Variants in SGK3 observed in about 807,000 individuals in gnomAD.
SGK3 encodes the protein serum/glucocorticoid regulated kinase family member 3, also known as serine/threonine-protein kinase Sgk3.
Under a neutral mutation model 68.5 loss-of-function variants are expected in SGK3, and 47 were observed. The observed-to-expected ratio is 0.69, with a 90% CI of 0.54 to 0.87. The LOEUF (loss-of-function observed/expected upper bound fraction) is 0.87. Among genes scored for constraint, SGK3 ranks in the 40% least tolerant of loss-of-function variants. SGK3 has a pLI of 0.00. For synonymous variants in SGK3, 181 were observed against 189.1 expected, an observed-to-expected ratio of 0.96 and a Z score of 0.35; for missense variants, 479 against 575.5, an observed-to-expected ratio of 0.83 and a Z score of 1.72.
intron 1 of SGK3, among the ~76,000 whole-genome samples, chr8:66,779,602 A>AT (rs372948202): frequency 3.8e-4 from 44 of 116,210 alleles, no homozygotes; most frequent in East Asian, 2.8e-3. Flanking sequence ...ATATATATAT[A>AT]AAACACATTT....
intron 1 of SGK3, among the ~76,000 whole-genome samples, chr8:66,782,231 T>C (rs755398740): frequency 1.3e-5 from 2 of 152,238 alleles, no homozygotes; most frequent in Non-Finnish European, 2.9e-5. Flanking sequence ...ATAGGGTCTA[T>C]TCTCTTCTCA....
Position 66,822,474 on chromosome 8 carries a change from T to A in SGK3, c.417+15T>A. On this transcript the variant is annotated intron_variant, in intron 6 of 16. Transcript: ENST00000521198. ...GTTCTCAGAAGGTAGTAAGAGGAATTGCCTTTCTTAATAGAAAAAATACTA... is the reference window on the plus strand; with the variant it reads ...GTTCTCAGAAGGTAGTAAGAGGAATAGCCTTTCTTAATAGAAAAAATACTA... 1 of 1,605,236 alleles carries A rather than the reference T, an allele frequency of 6.2e-7. No homozygotes were observed. The highest frequency in any genetic ancestry group is 8.5e-7 in the Non-Finnish European group (1 of 1,176,604).
intron 1 of SGK3, among the ~76,000 whole-genome samples, chr8:66,764,406 C>T (rs989351511): frequency 6.6e-6 from 1 of 152,120 alleles, no homozygotes; most frequent in African/African-American, 2.4e-5. Context: ...ATATTTCCCT[C>T]CACATCTCTA....
At chr8:66,754,173 C>G (rs3857962) in intron 1 of SGK3, among the ~76,000 whole-genome samples, 19,018 of 152,034 alleles carry the variant, frequency 0.13, 2,178 homozygotes, top group African/African-American at 0.3. Flanking sequence ...ATTAACACTC[C>G]CATCAAAGGC....
intron 1 of SGK3, among the ~76,000 whole-genome samples, chr8:66,757,058 A>T (rs1393009368): frequency 6.6e-6 from 1 of 151,730 alleles, no homozygotes; most frequent in Non-Finnish European, 1.5e-5. Flanking sequence ...TCTGCCCCTG[A>T]AGATTCAATG....
At chr8:66,787,327 A>G (rs1238396593) in intron 1 of SGK3, among the ~76,000 whole-genome samples, 1 of 152,144 alleles carries the variant, frequency 6.6e-6, no homozygotes, top group South Asian at 2.1e-4. Flanking sequence ...ATTCAAAACA[A>G]ATTGTTATAC....
chr8:66,806,847 A>T (rs889637971), intron 4 of SGK3, among the ~76,000 whole-genome samples: 29 of 152,002 alleles, frequency 1.9e-4, no homozygotes, highest in Admixed American at 1.8e-3. Context: ...CACAAAAGAA[A>T]TCTTATGGAA....
At chr8:66,723,107 ATATATATATATATATATATATATAT>A (rs1334019935) in intron 1 of SGK3, among the ~76,000 whole-genome samples, 6 of 39,158 alleles carry the variant, frequency 1.5e-4, no homozygotes, top group Admixed American at 8.5e-4. Context: ...ATATATATAT[ATATATATATATATATATATATATAT>A]TTTTTTTTTT....
intron 3 of SGK3, among the ~76,000 whole-genome samples, chr8:66,799,206 G>A (rs932399938): frequency 1.3e-5 from 2 of 152,108 alleles, no homozygotes; most frequent in Non-Finnish European, 2.9e-5. Context: ...ATCTACTGAT[G>A]GCAGTACATA....
chr8:66,842,756 A>G (rs1400307785), intron 13 of SGK3, among the ~76,000 whole-genome samples: 1 of 152,184 alleles, frequency 6.6e-6, no homozygotes, highest in African/African-American at 2.4e-5. Flanking sequence ...AAAAGAAAAA[A>G]AAGGATTATA....
intron 1 of SGK3, among the ~76,000 whole-genome samples, chr8:66,736,271 A>G (rs977792059): frequency 2.0e-5 from 3 of 152,180 alleles, no homozygotes; most frequent in Non-Finnish European, 4.4e-5. Flanking sequence ...TTAAAAATTA[A>G]TATAACAATA....
chr8:66,842,813 A>T (rs1369553584), intron 13 of SGK3, among the ~76,000 whole-genome samples: 1 of 152,222 alleles, frequency 6.6e-6, no homozygotes, highest in Non-Finnish European at 1.5e-5. Context: ...TCATGCCAGT[A>T]ATCCCAGCAC....
intron 1 of SGK3, among the ~76,000 whole-genome samples, chr8:66,765,502 T>A (rs746038637): frequency 9.9e-5 from 15 of 152,220 alleles, no homozygotes; most frequent in African/African-American, 3.6e-4. Context: ...CTCAGTATTG[T>A]TCAATTTGCT....
intron 6 of SGK3, among the ~76,000 whole-genome samples, chr8:66,823,855 A>C (rs1808948068): frequency 6.6e-6 from 1 of 152,212 alleles, no homozygotes; most frequent in Non-Finnish European, 1.5e-5. Flanking sequence ...AATTATTATA[A>C]ATGTTATATA....
In SGK3 at chr8:66,813,945, G is replaced by A. The variant is rs768976182; in HGVS notation, c.329+17G>A. On this transcript the variant is annotated intron_variant, in intron 5 of 16. Transcript: ENST00000521198. ...TTATAACCAGTAAGTAATTTTTGTTGCGTTCTAAAGGGACATTAAAACTAA... is the reference window on the plus strand; with the variant it reads ...TTATAACCAGTAAGTAATTTTTGTTACGTTCTAAAGGGACATTAAAACTAA... 4 of 1,563,054 alleles carry A rather than the reference G, an allele frequency of 2.6e-6. 1 individual carries two copies. Among genetic ancestry groups the A allele is most frequent in the South Asian group, 2.5e-5 (2 of 81,012 alleles).
At chr8:66,812,736 A>G (rs1808430180) in intron 4 of SGK3, among the ~76,000 whole-genome samples, 1 of 151,710 alleles carries the variant, frequency 6.6e-6, no homozygotes, top group Non-Finnish European at 1.5e-5. Flanking sequence ...ATCCTATAAC[A>G]GCATTATGAG....
chr8:66,830,630 A>G (rs1184157845), intron 7 of SGK3, among the ~76,000 whole-genome samples: 1 of 152,248 alleles, frequency 6.6e-6, no homozygotes, highest in African/African-American at 2.4e-5. Flanking sequence ...AGGTTAAGTT[A>G]ACATAAATAA....
chr8:66,793,855 G>T, intron 2 of SGK3, 23 bp downstream of exon 2: 1 of 1,604,690 alleles, frequency 6.2e-7, no homozygotes, highest in Non-Finnish European at 8.5e-7. Context: ...CATAAAGCAT[G>T]TGGGAAAAAA....
At chr8:66,843,741 C>T (rs1337366844) in intron 14 of SGK3, among the ~76,000 whole-genome samples, 194 bp downstream of exon 14, 1 of 152,184 alleles carries the variant, frequency 6.6e-6, no homozygotes, top group Non-Finnish European at 1.5e-5. Flanking sequence ...CGCCAGTAAT[C>T]CCAGCACTTT....
Sources: gnomAD v4.1 joint callset for allele counts (sites outside exome capture counted in the v4.1 genomes callset) on GRCh38, gnomAD v4.1.1 for gene constraint, MANE v1.5 for transcripts, NCBI Gene and HGNC (gene_info 2026-07-23, HGNC 2026-07-21) for gene names.